Variants in CYTH1 observed in about 807,000 individuals in gnomAD.
The protein encoded by CYTH1 is cytohesin-1.
A neutral mutation model predicts 61.8 loss-of-function variants in CYTH1; 18 were observed. The observed-to-expected ratio is 0.29, with a 90% CI of 0.20 to 0.43. CYTH1 has a LOEUF of 0.43. Ranked by LOEUF, CYTH1 falls within the 20% of genes least tolerant of loss-of-function variation. CYTH1 has a pLI of 1.00. For synonymous variants in CYTH1, 174 were observed against 184.3 expected, an observed-to-expected ratio of 0.94 and a Z score of 0.45; for missense variants, 336 against 510.5, an observed-to-expected ratio of 0.66 and a Z score of 3.29.
At chr17:78,750,789 G>A (rs1364854250) in intron 1 of CYTH1, among the ~76,000 whole-genome samples, 9 of 141,640 alleles carry the variant, frequency 6.4e-5, no homozygotes, top group African/African-American at 2.3e-4. Flanking sequence ...GCGAGAGAGC[G>A]AGACTCCATC....
At chr17:78,757,027 C>T (rs2093404452) in intron 1 of CYTH1, among the ~76,000 whole-genome samples, 1 of 128,534 alleles carries the variant, frequency 7.8e-6, no homozygotes, top group Non-Finnish European at 1.6e-5. Context: ...CTCGCTCTGT[C>T]GCCCAGGCTT....
intron 11 of CYTH1, among the ~76,000 whole-genome samples, chr17:78,685,596 A>G (rs1292440789): frequency 6.6e-6 from 1 of 152,194 alleles, no homozygotes; most frequent in Non-Finnish European, 1.5e-5. Context: ...ATATTTTAGT[A>G]TTAGTTGTAT....
chr17:78,774,113 A>G (rs1054454134), intron 1 of CYTH1, among the ~76,000 whole-genome samples: 1 of 152,340 alleles, frequency 6.6e-6, no homozygotes, highest in South Asian at 2.1e-4. Flanking sequence ...CATTTGCACT[A>G]TTACAGGTAC....
At chr17:78,681,088 A>G (rs1268909669) in intron 11 of CYTH1, 46 bp from the exon 12 acceptor site, 1 of 1,584,660 alleles carries the variant, frequency 6.3e-7, no homozygotes, top group Non-Finnish European at 8.6e-7. Flanking sequence ...CAGTTTAAGG[A>G]CACACACTGT....
intron 3 of CYTH1, among the ~76,000 whole-genome samples, chr17:78,706,752 C>G (rs2093070796): frequency 6.6e-6 from 1 of 152,168 alleles, no homozygotes. Flanking sequence ...TTAATTCTAG[C>G]CATCATAGGG....
intron 1 of CYTH1, among the ~76,000 whole-genome samples, chr17:78,768,493 G>A (rs957408190): frequency 5.3e-5 from 8 of 152,144 alleles, no homozygotes; most frequent in Non-Finnish European, 1.0e-4. Context: ...TCTCAGTATG[G>A]AAACTCTCCA....
Position 78,736,737 on chromosome 17 carries a change from G to T in CYTH1, c.23-27005C>A, listed in dbSNP as rs11549802. The T allele has an allele frequency of 9.6e-6, 4 of 415,570 alleles. No individual in the cohort carries two copies. The East Asian group carries it at 2.5e-4, about 26-fold the overall frequency. 25.7% of individuals were successfully genotyped at this position (415,570 alleles called of 1,614,324 possible). A position where few individuals can be genotyped will look rare whatever the true frequency, so the allele number is the denominator to read the frequency against. On this transcript the variant is annotated intron_variant, in intron 1 of 13. Coordinates refer to ENST00000446868, the MANE Select transcript of CYTH1 (RefSeq NM_004762.6). Reference sequence around the variant, plus strand: ...AGGACCATCTTGTTTCCTTACAGCGGGACACGAAAAGTCCGTTCTGTGCTT... The same window carrying T: ...AGGACCATCTTGTTTCCTTACAGCGTGACACGAAAAGTCCGTTCTGTGCTT...
At position 78,760,416 on chromosome 17, in the gene CYTH1, T is replaced by C. The variant is rs1438405566; in HGVS notation, c.22+21786A>G. Reference sequence around the variant, plus strand: ...ACATACATATATATATGTGTATATATATATATATACACATACATATATATA... The same window carrying C: ...ACATACATATATATATGTGTATATACATATATATACACATACATATATATA... On this transcript the variant is annotated intron_variant, in intron 1 of 13. Transcript: ENST00000446868. 1.3e-4 allele frequency among the ~76,000 whole-genome samples: 11 copies of C among 85,890 alleles called. 1 individual carries two copies. Among genetic ancestry groups the C allele is most frequent in the Admixed American group, 2.6e-4 (2 of 7,774 alleles). 56.3% of individuals were successfully genotyped at this position (85,890 alleles called of 152,430 possible). A position where few individuals can be genotyped will look rare whatever the true frequency, so the allele number is the denominator to read the frequency against.
chr17:78,697,325 C>CAAAAAAAAAAAA (rs5822262), intron 9 of CYTH1, among the ~76,000 whole-genome samples: 1 of 95,322 alleles, frequency 1.0e-5, no homozygotes, highest in Non-Finnish European at 2.0e-5. Flanking sequence ...TGCTAGTGTC[C>CAAAAAAAAAAAA]AAAAAAAAAA....
At chr17:78,702,736 GGAAC>G (rs2093025138) in intron 3 of CYTH1, 132 bp from the exon 4 acceptor site, 2 of 970,184 alleles carry the variant, frequency 2.1e-6, no homozygotes, top group Non-Finnish European at 3.1e-6. Context: ...ATAATCTGGT[GGAAC>G]TATGAAAGGC....
intron 5 of CYTH1, 145 bp downstream of exon 5, chr17:78,701,977 G>A (rs1325542876): frequency 2.5e-6 from 2 of 787,752 alleles, no homozygotes; most frequent in South Asian, 1.7e-5. Flanking sequence ...CTATTCCCCA[G>A]AAAAGCCTCC....
rs763670055 is a variant in CYTH1 at position 78,700,470 on chromosome 17, A to T, written c.438-27T>A. ...TGAGTGGGTAAAGACAGAGTGTTCC[A>T]GAACTTGGGGAGGCAATTTATTTCT... On this transcript the variant is annotated intron_variant, in intron 6 of 13. Coordinates refer to ENST00000446868, the MANE Select transcript of CYTH1 (RefSeq NM_004762.6). The surrounding 1 kb of genome is among the most constrained non-coding windows in gnomAD (Gnocchi z 5.1). The T allele has an allele frequency of 1.3e-5, 21 of 1,562,988 alleles. No homozygotes were observed. The East Asian group carries it at 4.8e-4, about 35-fold the overall frequency.
Position 78,700,310 on chromosome 17 carries a change from A to T in CYTH1, c.550+21T>A. 6.3e-7 allele frequency: 1 copy of T among 1,584,266 alleles called. No homozygotes were observed. The highest frequency in any genetic ancestry group is 1.8e-5 in the Admixed American group (1 of 55,608). On this transcript the variant is annotated intron_variant, in intron 7 of 13. Transcript: ENST00000446868. This position sits in a 1 kb window ranked among gnomAD's most constrained non-coding sequence, Gnocchi z 5.1. ...CAGTGTAAAACGCCCATCATAAACT[A>T]GGATGAATGATCGTATTTACCCGTG...
chr17:78,719,328 A>T (rs2093208783), intron 1 of CYTH1, among the ~76,000 whole-genome samples: 1 of 152,198 alleles, frequency 6.6e-6, no homozygotes, highest in African/African-American at 2.4e-5. Flanking sequence ...GGAACATACA[A>T]ATGACCCACA....
Position 78,709,726 on chromosome 17 carries a change from C to G in CYTH1, c.29G>C (p.Ser10Thr). 6.2e-7 allele frequency: 1 copy of G among 1,614,002 alleles called. No homozygotes were observed. Among genetic ancestry groups the G allele is most frequent in the South Asian group, 1.1e-5 (1 of 91,042 alleles). The change falls in exon 2 of 14, where the codon AGT (serine) becomes ACT (threonine). Residue 10 changes from serine (S) to threonine (T), a missense_variant. By Grantham distance (58) the Ser-to-Thr change is moderately conservative. Coordinates refer to ENST00000446868, the MANE Select transcript of CYTH1 (RefSeq NM_004762.6). MEEDDSYVP[S>T]DLTAEERQEL... ...TTGACGCTCCTCTGCTGTCAGGTCA[C>G]TGGGAACTACAAAAATGGAGGGCAA...
chr17:78,727,506 A>G (rs2093272800), intron 1 of CYTH1, among the ~76,000 whole-genome samples: 1 of 152,192 alleles, frequency 6.6e-6, no homozygotes, highest in Non-Finnish European at 1.5e-5. Flanking sequence ...ATAGAAACAA[A>G]CTGGCTCCCT....
At chr17:78,710,415 C>T (rs904360678) in intron 1 of CYTH1, among the ~76,000 whole-genome samples, 1 of 152,168 alleles carries the variant, frequency 6.6e-6, no homozygotes. Context: ...CAGATCACAG[C>T]TCTCACCACA....
intron 3 of CYTH1, among the ~76,000 whole-genome samples, chr17:78,703,341 G>A (rs1183985025): frequency 1.4e-5 from 2 of 142,486 alleles, no homozygotes; most frequent in Non-Finnish European, 3.0e-5. Flanking sequence ...GAATTTGGGA[G>A]TTGGAGGTTG....
rs1164048757 is a variant in CYTH1 at position 78,736,779 on chromosome 17, T to C, written c.23-27047A>G. 2.0e-5 allele frequency: 7 copies of C among 356,926 alleles called. No homozygotes were observed. The East Asian group carries it at 6.6e-4, about 33-fold the overall frequency. 22.1% of individuals were successfully genotyped at this position (356,926 alleles called of 1,614,324 possible). On this transcript the variant is annotated intron_variant, in intron 1 of 13. Transcript: ENST00000446868. Reference sequence around the variant, plus strand: ...TCTGTGCTTCCAGGAGAGCGGTAACTTACTGGGAGCCAAGTTTTCCTGTGG... The same window carrying C: ...TCTGTGCTTCCAGGAGAGCGGTAACCTACTGGGAGCCAAGTTTTCCTGTGG...
Sources: gnomAD v4.1 joint callset for allele counts (sites outside exome capture counted in the v4.1 genomes callset) on GRCh38, gnomAD v4.1.1 for gene constraint, Gnocchi (gnomAD v3.1) non-coding constraint, MANE v1.5 for transcripts, NCBI Gene and HGNC (gene_info 2026-07-23, HGNC 2026-07-21) for gene names.